Variants in ENPP6 observed in about 807,000 individuals in gnomAD.
The protein encoded by ENPP6 is glycerophosphocholine cholinephosphodiesterase ENPP6.
Under a neutral mutation model 42.0 loss-of-function variants are expected in ENPP6, and 32 were observed. That is an observed-to-expected ratio of 0.76 (90% confidence interval 0.58 to 1.02). ENPP6 has a LOEUF of 1.02. ENPP6 is among the 50% of genes least tolerant of loss of function. The pLI is 0.00. For synonymous variants in ENPP6, 213 were observed against 216.0 expected, an observed-to-expected ratio of 0.99 and a Z score of 0.12; for missense variants, 552 against 566.8, an observed-to-expected ratio of 0.97 and a Z score of 0.27.
At position 184,153,553 on chromosome 4, in the gene ENPP6, C is replaced by A; in HGVS notation, c.421+1G>T. 6.2e-7 allele frequency: 1 copy of A among 1,610,956 alleles called. No homozygotes were observed. Among genetic ancestry groups the A allele is most frequent in the Non-Finnish European group, 8.5e-7 (1 of 1,178,656 alleles). Reference sequence around the variant, plus strand: ...TTTGGAATGGATGTTCACACACTCACCTGGCCAGTAGTACATGTAGACCTT... The same window carrying A: ...TTTGGAATGGATGTTCACACACTCAACTGGCCAGTAGTACATGTAGACCTT... On this transcript the variant is annotated splice_donor_variant, in intron 2 of 7. Coordinates refer to ENST00000296741, the MANE Select transcript of ENPP6 (RefSeq NM_153343.4). LOFTEE classifies it high-confidence loss of function.
Position 184,187,745 on chromosome 4 carries a change from A to G in ENPP6, c.241+29834T>C, listed in dbSNP as rs367611713. On this transcript the variant is annotated intron_variant, in intron 1 of 7. Transcript: ENST00000296741. ...GTGTTATTTGTCTGCAACATTTCAC[A>G]AGAATGTAAATTTCAGGAGGGTAGA... is the stretch of plus-strand genomic sequence containing the variant. 5.3e-5 allele frequency among the ~76,000 whole-genome samples: 8 copies of G among 152,354 alleles called. No individual in the cohort carries two copies. The East Asian group carries it at 1.5e-3, about 29-fold the overall frequency.
At chr4:184,117,150 ATCT>A (rs1160689406) in intron 4 of ENPP6, 115 bp from the exon 5 acceptor site, 1 of 1,288,988 alleles carries the variant, frequency 7.8e-7, no homozygotes, top group Admixed American at 2.2e-5. Flanking sequence ...TCTGTGTTTA[ATCT>A]TCTACTATTT....
At chr4:184,093,878 G>T (rs1735852124) in intron 7 of ENPP6, among the ~76,000 whole-genome samples, 1 of 152,106 alleles carries the variant, frequency 6.6e-6, no homozygotes, top group Non-Finnish European at 1.5e-5. Context: ...CATGTGACCT[G>T]GATGTGATAA....
At chr4:184,100,492 G>A (rs913875475) in intron 6 of ENPP6, among the ~76,000 whole-genome samples, 4 of 152,146 alleles carry the variant, frequency 2.6e-5, no homozygotes, top group African/African-American at 9.7e-5. Context: ...AGTGACATCC[G>A]GGGAGGCGCC....
At position 184,101,047 on chromosome 4, in the gene ENPP6, C is replaced by T. The variant is rs915867932; in HGVS notation, c.994-3679G>A. Among the ~76,000 whole-genome samples the T allele has an allele frequency of 3.3e-5, 5 of 152,106 alleles. No homozygotes were observed. In the East Asian group the frequency reaches 9.7e-4, roughly 29 times the overall value. On this transcript the variant is annotated intron_variant, in intron 6 of 7. Transcript: ENST00000296741. ...GAGGGAGGCTCAGGCCCCAGGGAGG[C>T]CTTCAGCAGTGGGGACACAGGAGGA...
At chr4:184,151,281 T>C (rs1284463128) in intron 2 of ENPP6, among the ~76,000 whole-genome samples, 1 of 152,218 alleles carries the variant, frequency 6.6e-6, no homozygotes, top group Admixed American at 6.5e-5. Context: ...GAGGTTACAG[T>C]GAGCAGAGGT....
intron 1 of ENPP6, among the ~76,000 whole-genome samples, chr4:184,177,424 A>G (rs2111097678): frequency 6.6e-6 from 1 of 152,188 alleles, no homozygotes; most frequent in South Asian, 2.1e-4. Flanking sequence ...AGCAGACTTG[A>G]TCTTTTCCCC....
intron 1 of ENPP6, among the ~76,000 whole-genome samples, chr4:184,198,381 G>T (rs886358608): frequency 1.3e-5 from 2 of 152,240 alleles, no homozygotes; most frequent in African/African-American, 2.4e-5. Flanking sequence ...GACAGGTCTT[G>T]CCTGCAGGGA....
chr4:184,126,031 C>G (rs1736497502), intron 2 of ENPP6, among the ~76,000 whole-genome samples: 1 of 152,178 alleles, frequency 6.6e-6, no homozygotes, highest in Non-Finnish European at 1.5e-5. Flanking sequence ...CAGTCATGTA[C>G]AGTGTGACCA....
At chr4:184,176,808 C>A (rs1341116751) in intron 1 of ENPP6, among the ~76,000 whole-genome samples, 1 of 152,202 alleles carries the variant, frequency 6.6e-6, no homozygotes, top group Non-Finnish European at 1.5e-5. Context: ...GCAGCCCAGG[C>A]CCTGAAGGCG....
chr4:184,206,851 C>T (rs989750885), intron 1 of ENPP6, among the ~76,000 whole-genome samples: 2 of 152,192 alleles, frequency 1.3e-5, no homozygotes, highest in African/African-American at 2.4e-5. Context: ...CAGAGGAGCA[C>T]GATGATTCGG....
chr4:184,214,396 T>C (rs1036997896), intron 1 of ENPP6, among the ~76,000 whole-genome samples: 38 of 152,232 alleles, frequency 2.5e-4, no homozygotes, highest in Non-Finnish European at 8.8e-5. Context: ...TGGCAGCAAC[T>C]GGGCTAGATG....
chr4:184,107,980 T>G (rs530341055), intron 6 of ENPP6, among the ~76,000 whole-genome samples: 1 of 151,760 alleles, frequency 6.6e-6, no homozygotes, highest in African/African-American at 2.4e-5. Context: ...CTCTAAGAAA[T>G]CCTAAGAAAA....
Position 184,117,914 on chromosome 4 carries a change from G to GGA in ENPP6, c.534-16_534-15dup. 6.2e-7 allele frequency: 1 copy of GGA among 1,613,170 alleles called. No individual in the cohort carries two copies. The highest frequency in any genetic ancestry group is 8.5e-7 in the Non-Finnish European group (1 of 1,179,572). On this transcript the variant is annotated splice_polypyrimidine_tract_variant and intron_variant, in intron 3 of 7. Coordinates refer to ENST00000296741, the MANE Select transcript of ENPP6 (RefSeq NM_153343.4). The stretch of plus-strand genomic sequence containing the variant: ...GCCCGGCCACTCCTGGAGGGACAGA[G>GGA]GAGAGAGGCATAGGTGAGGGAGGCC...
intron 5 of ENPP6, 131 bp downstream of exon 5, chr4:184,116,725 C>T: frequency 7.8e-7 from 1 of 1,286,306 alleles, no homozygotes; most frequent in Non-Finnish European, 1.1e-6. Context: ...AAAAGTGAAA[C>T]TCTGCCTCAA....
chr4:184,090,864 G>A lies in ENPP6; in HGVS notation c.*313C>T, dbSNP rs1735776782. The A allele has an allele frequency of 2.3e-6, 1 of 431,290 alleles. No individual in the cohort carries two copies. The highest frequency in any genetic ancestry group is 4.0e-5 in the Admixed American group (1 of 24,930). 26.7% of individuals were successfully genotyped at this position (431,290 alleles called of 1,614,324 possible). A position where few individuals can be genotyped will look rare whatever the true frequency, so the allele number is the denominator to read the frequency against. On this transcript the variant is annotated 3_prime_UTR_variant, in exon 8 of 8. Transcript: ENST00000296741. ...CGTCTGTCTGCAATAACCACTCCAA[G>A]TTTGGTTGCTGCAGGAGCAGGTCCC...
chr4:184,125,279 C>T lies in ENPP6; in HGVS notation c.422-1007G>A, dbSNP rs78486041. Among the ~76,000 whole-genome samples, 959 of 152,240 alleles carry T rather than the reference C, an allele frequency of 6.3e-3. 13 individuals carry two copies. The highest frequency in any genetic ancestry group is 0.038 in the South Asian group (184 of 4,828). Reference sequence around the variant, plus strand: ...GGGCTCAGTTTTGTAGATTTAGCCACGGCAGTGGGATGCAGGTGGGCTGGG... The same window carrying T: ...GGGCTCAGTTTTGTAGATTTAGCCATGGCAGTGGGATGCAGGTGGGCTGGG... On this transcript the variant is annotated intron_variant, in intron 2 of 7. Coordinates refer to ENST00000296741, the MANE Select transcript of ENPP6 (RefSeq NM_153343.4).
chr4:184,161,102 C>T (rs1737250332), intron 1 of ENPP6, among the ~76,000 whole-genome samples: 2 of 152,036 alleles, frequency 1.3e-5, no homozygotes, highest in Admixed American at 6.6e-5. Context: ...GCAGAGTAAA[C>T]AGACAACCCA....
At chr4:184,121,435 T>C (rs746931262) in intron 3 of ENPP6, among the ~76,000 whole-genome samples, 6 of 152,238 alleles carry the variant, frequency 3.9e-5, no homozygotes, top group African/African-American at 4.8e-5. Context: ...TTCCATTCTC[T>C]CTGCCTCTCA....
Sources: gnomAD v4.1 joint callset for allele counts (sites outside exome capture counted in the v4.1 genomes callset) on GRCh38, gnomAD v4.1.1 for gene constraint, MANE v1.5 for transcripts, NCBI Gene and HGNC (gene_info 2026-07-23, HGNC 2026-07-21) for gene names.